Variants in CEP63 observed in about 807,000 individuals in gnomAD.
CEP63 encodes centrosomal protein of 63 kDa.
CEP63 carries 84 observed loss-of-function variants against 89.1 expected under a neutral mutation model. The ratio of observed to expected loss-of-function variants is 0.94; its 90% CI spans 0.79 to 1.13. The LOEUF is 1.13. Among genes scored for constraint, CEP63 ranks in the 50% most tolerant of loss-of-function variants. CEP63 has a pLI of 0.00. For missense variants in CEP63, 838 were observed against 813.3 expected, an observed-to-expected ratio of 1.03 and a Z score of -0.37; for synonymous variants, 267 against 272.5, an observed-to-expected ratio of 0.98 and a Z score of 0.20.
At chr3:134,542,023 G>C (rs114157018) in intron 6 of CEP63, among the ~76,000 whole-genome samples, 1 of 151,806 alleles carries the variant, frequency 6.6e-6, no homozygotes, top group Non-Finnish European at 1.5e-5. Flanking sequence ...ATAATGCAAA[G>C]GAAATGTTCA....
chr3:134,733,286 C>T, the CEP63 span, among the ~76,000 whole-genome samples: 1 of 151,912 alleles, frequency 6.6e-6, no homozygotes, highest in East Asian at 1.9e-4. Context: ...TCTGCCAGCA[C>T]ACATACTTGG....
chr3:134,635,233 A>C, the CEP63 span, among the ~76,000 whole-genome samples: 1 of 152,220 alleles, frequency 6.6e-6, no homozygotes, highest in Non-Finnish European at 1.5e-5. Context: ...ATGATGGCTC[A>C]TGCCTGTAAT....
downstream of CEP63, among the ~76,000 whole-genome samples, chr3:134,577,697 G>A (rs980992952): frequency 4.0e-5 from 6 of 151,758 alleles, no homozygotes; most frequent in African/African-American, 1.2e-4. Flanking sequence ...GTGGTTTGCC[G>A]CACCTGTCAA....
At chr3:134,616,831 C>A in the CEP63 span, among the ~76,000 whole-genome samples, 1 of 152,126 alleles carries the variant, frequency 6.6e-6, no homozygotes, top group African/African-American at 2.4e-5. Flanking sequence ...TCAAGAAAGA[C>A]AAGATAGGTC....
chr3:134,637,646 C>G, the CEP63 span, among the ~76,000 whole-genome samples: 1 of 152,208 alleles, frequency 6.6e-6, no homozygotes, highest in East Asian at 1.9e-4. Flanking sequence ...TCATAATGCC[C>G]AGGTACTTTC....
At chr3:134,600,877 A>G in the CEP63 span, 1 of 152,190 alleles carries the variant, frequency 6.6e-6, no homozygotes, top group Non-Finnish European at 1.5e-5. Context: ...GTGTACACAT[A>G]AGGTAGCGCT....
downstream of CEP63, among the ~76,000 whole-genome samples, chr3:134,579,699 C>T (rs1349744164): frequency 1.3e-5 from 2 of 151,992 alleles, no homozygotes; most frequent in Non-Finnish European, 2.9e-5. Flanking sequence ...CTGCTAGGTA[C>T]CTAGAAGTAA....
chr3:134,648,083 C>T, the CEP63 span, among the ~76,000 whole-genome samples: 1,011 of 152,310 alleles, frequency 6.6e-3, 10 homozygotes, highest in Middle Eastern at 0.017. Context: ...GCTCTGGCTG[C>T]GGCTGCAAGT....
intron 1 of CEP63, 109 bp from the exon 2 acceptor site, chr3:134,495,187 C>A: frequency 1.2e-6 from 1 of 801,216 alleles, no homozygotes; most frequent in South Asian, 1.5e-5. Context: ...AGAAGTGCTG[C>A]ATTTTTTCAT....
chr3:134,608,644 C>A, the CEP63 span: 1 of 1,614,038 alleles, frequency 6.2e-7, no homozygotes, highest in South Asian at 1.1e-5. Context: ...CTGCTCCGGG[C>A]TCACCTGTTC....
intron 2 of CEP63, among the ~76,000 whole-genome samples, chr3:134,501,055 C>T (rs1430167578): frequency 6.6e-6 from 1 of 152,028 alleles, no homozygotes; most frequent in Admixed American, 6.6e-5. Flanking sequence ...ATTCTTCATA[C>T]AAGTAGCCAG....
In CEP63 at chr3:134,530,639, A is replaced by C. The variant is rs970432524; in HGVS notation, c.223-1206A>C. ...TTTTTCATTAGTTTTAAGCTCAGAA[A>C]ATTTCCTTTCATCCAGAAATTCAGT... On this transcript the variant is annotated intron_variant, in intron 3 of 14. Coordinates refer to ENST00000675561, the MANE Select transcript of CEP63 (RefSeq NM_001353108.3). Among the ~76,000 whole-genome samples the C allele has an allele frequency of 2.0e-5, 3 of 152,158 alleles. No individual in the cohort carries two copies. In the East Asian group the frequency reaches 5.8e-4, roughly 29 times the overall value.
the CEP63 span, among the ~76,000 whole-genome samples, chr3:134,649,809 G>A: frequency 6.6e-6 from 1 of 152,260 alleles, no homozygotes; most frequent in Non-Finnish European, 1.5e-5. Context: ...GCAGGTGGAA[G>A]GTGGATGTTC....
At chr3:134,599,749 T>A in the CEP63 span, among the ~76,000 whole-genome samples, 1 of 152,236 alleles carries the variant, frequency 6.6e-6, no homozygotes, top group Non-Finnish European at 1.5e-5. Flanking sequence ...ATGTTTTCTT[T>A]AATGTGAAAT....
At chr3:134,527,824 G>A (rs1353857899) in intron 3 of CEP63, among the ~76,000 whole-genome samples, 4 of 152,180 alleles carry the variant, frequency 2.6e-5, no homozygotes, top group Admixed American at 2.6e-4. Context: ...GCCAAGGGGT[G>A]GTCAGATGAG....
chr3:134,693,128 G>T, the CEP63 span, among the ~76,000 whole-genome samples: 1 of 152,222 alleles, frequency 6.6e-6, no homozygotes, highest in Non-Finnish European at 1.5e-5. Flanking sequence ...AGCGTCCCTT[G>T]TAGATGGGAT....
intron 10 of CEP63, among the ~76,000 whole-genome samples, chr3:134,549,742 T>C (rs1370162776): frequency 1.3e-5 from 2 of 152,188 alleles, no homozygotes; most frequent in Non-Finnish European, 2.9e-5. Flanking sequence ...GCAAAACTTT[T>C]AGATTCACAA....
chr3:134,693,323 GGA>G, the CEP63 span, among the ~76,000 whole-genome samples: 10 of 152,260 alleles, frequency 6.6e-5, no homozygotes, highest in Middle Eastern at 6.8e-3. Context: ...GCAGACATGA[GGA>G]CAAGAGCCAT....
the CEP63 span, among the ~76,000 whole-genome samples, chr3:134,743,884 G>A: frequency 2.6e-5 from 4 of 152,234 alleles, no homozygotes; most frequent in South Asian, 4.1e-4. Flanking sequence ...TCTAAGATAA[G>A]TCCCTGCAAT....
Sources: allele counts gnomAD v4.1 joint callset (sites outside exome capture counted in the v4.1 genomes callset), GRCh38; gene constraint gnomAD v4.1.1; transcripts MANE v1.5; gene names NCBI Gene and HGNC (gene_info 2026-07-23, HGNC 2026-07-21).